Variants in FRMD4A observed in about 807,000 individuals in gnomAD.
FRMD4A encodes FERM domain containing 4A.
A neutral mutation model predicts 129.1 loss-of-function variants in FRMD4A; 29 were observed. The observed-to-expected ratio is 0.22, with a 90% CI of 0.17 to 0.31. The LOEUF (loss-of-function observed/expected upper bound fraction) is 0.31, where lower values mean the gene tolerates loss of function less well. FRMD4A is among the 10% of genes least tolerant of loss of function. FRMD4A has a pLI of 1.00. For missense variants in FRMD4A, 1,272 were observed against 1,375.8 expected, an observed-to-expected ratio of 0.92 and a Z score of 1.19; for synonymous variants, 634 against 571.6, an observed-to-expected ratio of 1.11 and a Z score of -1.56.
chr10:14,131,118 G>T lies in FRMD4A; in HGVS notation c.45+198940C>A, dbSNP rs139457778. Among the ~76,000 whole-genome samples the T allele has an allele frequency of 3.3e-3, 500 of 152,320 alleles. 4 individuals are homozygous for T. The highest frequency in any genetic ancestry group is 0.012 in the African/African-American group (482 of 41,580). On this transcript the variant is annotated intron_variant, in intron 2 of 24. Coordinates refer to ENST00000357447, the MANE Select transcript of FRMD4A (RefSeq NM_018027.5). The stretch of plus-strand genomic sequence containing the variant: ...GGCCCTGTTACACCGTAAGCTCCCA[G>T]TTGCAGCATTTGTAGTAGAGAATGT...
chr10:13,687,787 G>T (rs1203865302), intron 15 of FRMD4A, among the ~76,000 whole-genome samples: 2 of 152,164 alleles, frequency 1.3e-5, no homozygotes, highest in Non-Finnish European at 2.9e-5. Flanking sequence ...AATAACAGAG[G>T]CACTGAGCAC....
At chr10:14,120,687 G>T (rs140134473) in intron 2 of FRMD4A, among the ~76,000 whole-genome samples, 1 of 152,152 alleles carries the variant, frequency 6.6e-6, no homozygotes, top group Non-Finnish European at 1.5e-5. Flanking sequence ...GGGAAAACCT[G>T]GGATCACTTC....
intron 2 of FRMD4A, among the ~76,000 whole-genome samples, chr10:13,953,185 T>C (rs565795493): frequency 6.6e-6 from 1 of 152,324 alleles, no homozygotes; most frequent in Admixed American, 6.5e-5. Flanking sequence ...TCCATATAGA[T>C]GCTCTTCCCC....
At chr10:13,763,023 T>C (rs940537621) in intron 6 of FRMD4A, among the ~76,000 whole-genome samples, 3 of 152,090 alleles carry the variant, frequency 2.0e-5, no homozygotes, top group Non-Finnish European at 4.4e-5. Flanking sequence ...TTCTGAGGAA[T>C]TGCTCAGAAT....
At chr10:13,911,750 C>T (rs2131228161) in intron 2 of FRMD4A, among the ~76,000 whole-genome samples, 1 of 152,192 alleles carries the variant, frequency 6.6e-6, no homozygotes, top group East Asian at 1.9e-4. Context: ...TTAGTAGGGA[C>T]TGGGTTTCAC....
At chr10:14,282,622 A>C (rs1197235549) in intron 2 of FRMD4A, among the ~76,000 whole-genome samples, 1 of 7,650 alleles carries the variant, frequency 1.3e-4, no homozygotes, top group Non-Finnish European at 2.3e-4. Context: ...ACTCTGAAAA[A>C]GTGTGGGGGA....
At position 14,235,297 on chromosome 10, in the gene FRMD4A, C is replaced by T. The variant is rs1484917709; in HGVS notation, c.45+94761G>A. 1.4e-5 allele frequency among the ~76,000 whole-genome samples: 2 copies of T among 139,028 alleles called. 1 individual carries two copies. The highest frequency in any genetic ancestry group is 5.3e-5 in the African/African-American group (2 of 38,038). 91.2% of individuals were successfully genotyped at this position (139,028 alleles called of 152,430 possible). A position where few individuals can be genotyped will look rare whatever the true frequency, so the allele number is the denominator to read the frequency against. On this transcript the variant is annotated intron_variant, in intron 2 of 24. Coordinates refer to ENST00000357447, the MANE Select transcript of FRMD4A (RefSeq NM_018027.5). ...CCCGAGCAGCTGAGTCCCTGGTGCC[C>T]GCCACCATGCCCAGCTAATTTTTTC...
Position 13,654,400 on chromosome 10 carries a change from T to TAGA in FRMD4A, c.3050+13_3050+15dup. ...TTTCGAGCTGACACAGTGAAGAACA[T>TAGA]AGAAGGAGAACTCACCCAGTCTGCC... On this transcript the variant is annotated intron_variant, in intron 23 of 24. Transcript: ENST00000357447. 6.5e-7 allele frequency: 1 copy of TAGA among 1,528,670 alleles called. No individual in the cohort carries two copies. Among genetic ancestry groups the TAGA allele is most frequent in the Non-Finnish European group, 9.1e-7 (1 of 1,101,920 alleles). The allele number at this position is 1,528,670 out of a possible 1,614,324, so 94.7% of individuals were successfully genotyped here.
chr10:13,944,860 A>G (rs2095320378), intron 2 of FRMD4A, among the ~76,000 whole-genome samples: 1 of 152,190 alleles, frequency 6.6e-6, no homozygotes, highest in Non-Finnish European at 1.5e-5. Context: ...TATCCTTCCA[A>G]TGAAGAACAC....
chr10:13,814,565 A>G (rs1457666064), intron 3 of FRMD4A, among the ~76,000 whole-genome samples: 2 of 124,212 alleles, frequency 1.6e-5, no homozygotes, highest in African/African-American at 6.1e-5. Context: ...TGGGCGATAG[A>G]GTGAGACCCT....
chr10:13,672,239 C>A (rs1013953749), intron 16 of FRMD4A, among the ~76,000 whole-genome samples: 2 of 152,100 alleles, frequency 1.3e-5, no homozygotes, highest in African/African-American at 4.8e-5. Flanking sequence ...CATTTCAGAG[C>A]ACAATGGCCA....
chr10:13,810,685 T>TGGG, intron 4 of FRMD4A, 129 bp downstream of exon 4: 1 of 480,918 alleles, frequency 2.1e-6, no homozygotes, highest in African/African-American at 2.0e-5. Context: ...ATGATGAACT[T>TGGG]GGACTGACCC....
chr10:14,074,116 ATTT>A (rs894077268), intron 2 of FRMD4A, among the ~76,000 whole-genome samples: 140 of 152,284 alleles, frequency 9.2e-4, no homozygotes, highest in Admixed American at 4.2e-3. Context: ...CTCAAAAAAA[ATTT>A]TTTTTGTTTC....
chr10:14,179,797 G>T (rs957662865), intron 2 of FRMD4A, among the ~76,000 whole-genome samples: 1 of 152,216 alleles, frequency 6.6e-6, no homozygotes, highest in Non-Finnish European at 1.5e-5. Context: ...GTTTTGGGAG[G>T]CCGAGGCAGG....
chr10:13,807,498 AAAGTT>A (rs879831582), intron 4 of FRMD4A, among the ~76,000 whole-genome samples: 12 of 152,260 alleles, frequency 7.9e-5, no homozygotes, highest in Non-Finnish European at 1.6e-4. Flanking sequence ...TTTCAAAACT[AAAGTT>A]AAAAGATTAA....
chr10:14,081,575 G>A (rs1835931212), intron 2 of FRMD4A, among the ~76,000 whole-genome samples: 1 of 152,196 alleles, frequency 6.6e-6, no homozygotes, highest in Non-Finnish European at 1.5e-5. Context: ...AATAAGTCAA[G>A]GTTCAGTACA....
At chr10:14,204,146 G>C (rs1299170253) in intron 2 of FRMD4A, among the ~76,000 whole-genome samples, 1 of 152,134 alleles carries the variant, frequency 6.6e-6, no homozygotes, top group East Asian at 1.9e-4. Flanking sequence ...ACTATAGGCT[G>C]GGTGTGGTGG....
chr10:13,753,273 C>A (rs956950306), intron 8 of FRMD4A, among the ~76,000 whole-genome samples: 3 of 152,162 alleles, frequency 2.0e-5, no homozygotes, highest in Admixed American at 1.3e-4. Flanking sequence ...CTATCTCCGC[C>A]CAATCACATG....
intron 14 of FRMD4A, among the ~76,000 whole-genome samples, chr10:13,700,585 G>A (rs1050012474): frequency 2.5e-4 from 38 of 152,314 alleles, no homozygotes; most frequent in Non-Finnish European, 2.9e-4. Context: ...CCCTGAGGGA[G>A]AATGAATGGG....
Sources: allele counts gnomAD v4.1 joint callset (sites outside exome capture counted in the v4.1 genomes callset), GRCh38; gene constraint gnomAD v4.1.1; transcripts MANE v1.5; gene names NCBI Gene and HGNC (gene_info 2026-07-23, HGNC 2026-07-21).